Variants in NCAM2 observed in about 807,000 individuals in gnomAD.
NCAM2 encodes the protein neural cell adhesion molecule 2, also known as N-CAM-2.
Under a neutral mutation model 98.1 loss-of-function variants are expected in NCAM2, and 30 were observed. The observed-to-expected ratio is 0.31, with a 90% CI of 0.23 to 0.41. The LOEUF is 0.41. Among genes scored for constraint, NCAM2 ranks in the 10% least tolerant of loss-of-function variants. The probability of loss-of-function intolerance (pLI) is 1.00; values close to 1 mark genes in which losing one functional copy is unlikely to be tolerated. For synonymous variants in NCAM2, 368 were observed against 342.4 expected, an observed-to-expected ratio of 1.07 and a Z score of -0.83; for missense variants, 867 against 1,005.8, an observed-to-expected ratio of 0.86 and a Z score of 1.87.
In NCAM2 at chr21:21,480,236, G is replaced by T. The variant is rs931710176; in HGVS notation, c.2077+2765G>T. ...AAAAAAATTAGCTGGGCGTACTGGC[G>T]GGCGCCTGTTGTCCCAGCTACTCGG... is the stretch of plus-strand genomic sequence containing the variant. On this transcript the variant is annotated intron_variant, in intron 15 of 17. Transcript: ENST00000400546. 1.5e-4 allele frequency among the ~76,000 whole-genome samples: 23 copies of T among 151,626 alleles called. 1 individual carries two copies. The highest frequency in any genetic ancestry group is 1.5e-5 in the Non-Finnish European group (1 of 67,836).
chr21:21,278,952 G>A (rs922326382), intron 1 of NCAM2, among the ~76,000 whole-genome samples: 2 of 151,988 alleles, frequency 1.3e-5, no homozygotes, highest in African/African-American at 4.8e-5. Context: ...TGCTGTTTCA[G>A]CTGACTCCTG....
At chr21:21,265,585 T>TA (rs898771048) in intron 1 of NCAM2, among the ~76,000 whole-genome samples, 1 of 148,868 alleles carries the variant, frequency 6.7e-6, no homozygotes, top group African/African-American at 2.5e-5. Flanking sequence ...ACACAGACAT[T>TA]AAAAAAAATG....
intron 1 of NCAM2, among the ~76,000 whole-genome samples, chr21:21,035,617 T>C (rs554646181): frequency 4.7e-4 from 72 of 152,316 alleles, no homozygotes; most frequent in Non-Finnish European, 9.0e-4. Flanking sequence ...AGCAATATTA[T>C]GTGTCCAGTT....
intron 11 of NCAM2, among the ~76,000 whole-genome samples, chr21:21,421,424 A>G (rs1217540507): frequency 0.059 from 4 of 68 alleles, no homozygotes; most frequent in Non-Finnish European, 0.087. Context: ...CTAATATTCC[A>G]AATTTTATCA....
At chr21:21,403,063 A>AT (rs1368000454) in intron 9 of NCAM2, among the ~76,000 whole-genome samples, 1 of 152,062 alleles carries the variant, frequency 6.6e-6, no homozygotes, top group Non-Finnish European at 1.5e-5. Context: ...GATGTGGAAC[A>AT]TTTTTTAAAA....
chr21:21,453,585 G>C (rs1456415665), intron 12 of NCAM2, among the ~76,000 whole-genome samples: 1 of 151,994 alleles, frequency 6.6e-6, no homozygotes, highest in Non-Finnish European at 1.5e-5. Flanking sequence ...TATTAAAAGG[G>C]ATCATTTTGA....
In NCAM2 at chr21:21,522,632, C is replaced by CTTTTTTT. The variant is rs61635255; in HGVS notation, c.2283-11895_2283-11889dup. ...AAGTTCTTTTTTTCTTTTTCTTTTT[C>CTTTTTTT]TTTTTTTTTTTTTTTTGAGACAGAG... On this transcript the variant is annotated intron_variant, in intron 16 of 17. Transcript: ENST00000400546. Among the ~76,000 whole-genome samples, 27 of 124,726 alleles carry CTTTTTTT rather than the reference C, an allele frequency of 2.2e-4. 1 individual carries two copies. The highest frequency in any genetic ancestry group is 2.4e-4 in the Non-Finnish European group (15 of 61,782). 81.8% of individuals were successfully genotyped at this position (124,726 alleles called of 152,430 possible). A position where few individuals can be genotyped will look rare whatever the true frequency, so the allele number is the denominator to read the frequency against.
At chr21:21,304,455 GT>G (rs2073820528) in intron 5 of NCAM2, among the ~76,000 whole-genome samples, 2 of 151,758 alleles carry the variant, frequency 1.3e-5, no homozygotes, top group South Asian at 4.2e-4. Context: ...AATCTATTCT[GT>G]TCCATTGATC....
intron 1 of NCAM2, among the ~76,000 whole-genome samples, chr21:21,249,797 A>G (rs2071410481): frequency 6.6e-6 from 1 of 152,184 alleles, no homozygotes; most frequent in Non-Finnish European, 1.5e-5. Flanking sequence ...AATATGAATA[A>G]ACTGTTCATA....
chr21:21,163,905 A>G (rs1260917615), intron 1 of NCAM2, among the ~76,000 whole-genome samples: 2 of 152,186 alleles, frequency 1.3e-5, no homozygotes, highest in Non-Finnish European at 2.9e-5. Flanking sequence ...AATAATTAGT[A>G]CAGTGGGACC....
At chr21:21,045,463 G>A (rs931640530) in intron 1 of NCAM2, among the ~76,000 whole-genome samples, 13 of 152,062 alleles carry the variant, frequency 8.5e-5, no homozygotes, top group Non-Finnish European at 2.9e-5. Context: ...GGGCAACATA[G>A]TGAGACCCCC....
chr21:21,178,699 A>G (rs1200160330), intron 1 of NCAM2, among the ~76,000 whole-genome samples: 1 of 151,916 alleles, frequency 6.6e-6, no homozygotes, highest in Non-Finnish European at 1.5e-5. Flanking sequence ...ATTAAATTAT[A>G]TAAGCTTTTA....
At chr21:21,089,883 CTATT>C (rs1460774546) in intron 1 of NCAM2, among the ~76,000 whole-genome samples, 9 of 152,174 alleles carry the variant, frequency 5.9e-5, no homozygotes, top group Non-Finnish European at 1.3e-4. Context: ...AATGGCCACT[CTATT>C]TACTTATTTT....
chr21:21,136,630 G>GTT (rs562756936), intron 1 of NCAM2, among the ~76,000 whole-genome samples: 1 of 145,818 alleles, frequency 6.9e-6, no homozygotes, highest in Non-Finnish European at 1.5e-5. Context: ...CCTGTTTTTT[G>GTT]TTTTTTTTTT....
chr21:21,293,151 A>G (rs1162725824), intron 5 of NCAM2, among the ~76,000 whole-genome samples: 2 of 151,932 alleles, frequency 1.3e-5, no homozygotes, highest in Non-Finnish European at 2.9e-5. Flanking sequence ...TGTTGAAGAC[A>G]CAGATTTTGT....
At chr21:21,098,395 G>A (rs868279739) in intron 1 of NCAM2, among the ~76,000 whole-genome samples, 1 of 151,632 alleles carries the variant, frequency 6.6e-6, no homozygotes, top group African/African-American at 2.4e-5. Flanking sequence ...GTTTTGTTAC[G>A]TGATGCAGTT....
At chr21:21,245,464 A>C (rs1419646874) in intron 1 of NCAM2, among the ~76,000 whole-genome samples, 2 of 152,146 alleles carry the variant, frequency 1.3e-5, no homozygotes, top group African/African-American at 4.8e-5. Context: ...TTGGATGTAC[A>C]TGGGAAGTTG....
intron 1 of NCAM2, among the ~76,000 whole-genome samples, chr21:21,272,206 A>G (rs537562870): frequency 2.0e-5 from 3 of 152,294 alleles, no homozygotes; most frequent in South Asian, 4.1e-4. Flanking sequence ...GTCCAAATCA[A>G]TGCTGATCAC....
At chr21:21,181,999 C>G (rs925305528) in intron 1 of NCAM2, among the ~76,000 whole-genome samples, 11 of 150,386 alleles carry the variant, frequency 7.3e-5, no homozygotes, top group African/African-American at 2.7e-4. Context: ...TTGAGACCAG[C>G]CTGGGCAACA....
Sources: allele counts gnomAD v4.1 joint callset (sites outside exome capture counted in the v4.1 genomes callset), GRCh38; gene constraint gnomAD v4.1.1; transcripts MANE v1.5; gene names NCBI Gene and HGNC (gene_info 2026-07-23, HGNC 2026-07-21).